The following LSAMP variants were observed in gnomAD, a reference collection of about 807,000 sequenced individuals.
The protein encoded by LSAMP is limbic system-associated membrane protein.
In LSAMP, 7 loss-of-function variants were observed where a neutral mutation model predicts 38.6. The observed-to-expected ratio is 0.18, with a 90% CI of 0.10 to 0.34. The LOEUF (loss-of-function observed/expected upper bound fraction) is 0.34, where lower values mean the gene tolerates loss of function less well. Ranked by LOEUF, LSAMP falls within the 10% of genes least tolerant of loss-of-function variation. The pLI, the probability that LSAMP is intolerant of heterozygous loss-of-function variation, is 1.00. For synonymous variants in LSAMP, 154 were observed against 166.8 expected, an observed-to-expected ratio of 0.92 and a Z score of 0.59; for missense variants, 313 against 420.0, an observed-to-expected ratio of 0.75 and a Z score of 2.23.
At chr3:115,915,057 CG>C (rs1156961720) in intron 3 of LSAMP, among the ~76,000 whole-genome samples, 1 of 152,154 alleles carries the variant, frequency 6.6e-6, no homozygotes, top group East Asian at 1.9e-4. Flanking sequence ...CATCTTGCTG[CG>C]ATATAGAAAC....
At chr3:115,878,566 A>G (rs1936245740) in intron 3 of LSAMP, among the ~76,000 whole-genome samples, 1 of 138,116 alleles carries the variant, frequency 7.2e-6, no homozygotes, top group African/African-American at 2.7e-5. Flanking sequence ...GCTTCAAGCG[A>G]TTCTCTTGTC....
At chr3:116,244,005 C>T (rs552361489) in intron 1 of LSAMP, among the ~76,000 whole-genome samples, 15 of 152,274 alleles carry the variant, frequency 9.9e-5, no homozygotes, top group South Asian at 4.1e-4. Flanking sequence ...TTGTGCACTT[C>T]CTATAGTAGG....
chr3:116,430,306 T>A (rs2049263757), intron 1 of LSAMP, among the ~76,000 whole-genome samples: 1 of 152,130 alleles, frequency 6.6e-6, no homozygotes, highest in Non-Finnish European at 1.5e-5. Context: ...CCAAATGAAA[T>A]TCTTCATAAG....
chr3:115,916,785 T>G (rs775888623), intron 3 of LSAMP, among the ~76,000 whole-genome samples: 4 of 152,234 alleles, frequency 2.6e-5, no homozygotes, highest in Non-Finnish European at 4.4e-5. Context: ...TTTTGTCACT[T>G]GCCTAAGGTC....
intron 1 of LSAMP, among the ~76,000 whole-genome samples, chr3:116,202,264 T>C (rs2045998252): frequency 6.6e-6 from 1 of 151,826 alleles, no homozygotes; most frequent in African/African-American, 2.4e-5. Context: ...GCCTCCTGAG[T>C]AGTTGGGACT....
At chr3:116,044,070 C>T (rs746636360) in intron 2 of LSAMP, among the ~76,000 whole-genome samples, 3 of 152,188 alleles carry the variant, frequency 2.0e-5, no homozygotes, top group African/African-American at 4.8e-5. Flanking sequence ...CAACATTATC[C>T]CCTTTTTAAT....
At chr3:116,395,422 G>A (rs1485102720) in intron 1 of LSAMP, among the ~76,000 whole-genome samples, 1 of 152,170 alleles carries the variant, frequency 6.6e-6, no homozygotes, top group African/African-American at 2.4e-5. Flanking sequence ...GGATTTGATA[G>A]TGTTTGATAA....
At chr3:115,835,267 T>A (rs1050509477) in intron 6 of LSAMP, among the ~76,000 whole-genome samples, 1 of 152,168 alleles carries the variant, frequency 6.6e-6, no homozygotes, top group Non-Finnish European at 1.5e-5. Flanking sequence ...ATTTGCTTGG[T>A]GATACATCCT....
chr3:116,407,064 T>A lies in LSAMP; in HGVS notation c.155+37813A>T, dbSNP rs150148120. On this transcript the variant is annotated intron_variant, in intron 1 of 6. Coordinates refer to ENST00000490035, the MANE Select transcript of LSAMP (RefSeq NM_002338.5). ...TCTGCCTTCACTAATTGAATTTTTT[T>A]AATTTAAATTTCAAGTTCTTTAAGA... is the stretch of plus-strand genomic sequence containing the variant. Among the ~76,000 whole-genome samples the A allele has an allele frequency of 2.4e-3, 366 of 152,184 alleles. 1 individual carries two copies. The highest frequency in any genetic ancestry group is 8.2e-3 in the African/African-American group (340 of 41,558).
intron 2 of LSAMP, among the ~76,000 whole-genome samples, chr3:116,067,449 G>A (rs932753513): frequency 1.3e-5 from 2 of 152,172 alleles, no homozygotes; most frequent in South Asian, 4.1e-4. Context: ...GTGAAATGTG[G>A]ACCTCATACA....
intron 1 of LSAMP, among the ~76,000 whole-genome samples, chr3:116,141,653 C>T (rs1350876295): frequency 6.6e-6 from 1 of 151,712 alleles, no homozygotes. Context: ...TGTGGGTCAG[C>T]CTAGTGTACA....
chr3:116,328,585 C>T lies in LSAMP; in HGVS notation c.155+116292G>A, dbSNP rs192605958. On this transcript the variant is annotated intron_variant, in intron 1 of 6. Coordinates refer to ENST00000490035, the MANE Select transcript of LSAMP (RefSeq NM_002338.5). ...GAACCATTTGTTAACATTTAATATG[C>T]GGAACTAGGGGGAATCAGTCATAAT... Among the ~76,000 whole-genome samples the T allele has an allele frequency of 4.6e-5, 7 of 152,060 alleles. No homozygotes were observed. In the South Asian group the frequency reaches 1.0e-3, roughly 23 times the overall value.
In LSAMP at chr3:116,444,392, A is replaced by ACACACACACACACACAC. The variant is rs141638402; in HGVS notation, c.155+484_155+485insGTGTGTGTGTGTGTGTG. Among the ~76,000 whole-genome samples, 247 of 144,320 alleles carry ACACACACACACACACAC rather than the reference A, an allele frequency of 1.7e-3. 1 individual carries two copies. Among genetic ancestry groups the ACACACACACACACACAC allele is most frequent in the East Asian group, 2.6e-3 (12 of 4,632 alleles). The allele number at this position is 144,320 out of a possible 152,430, so 94.7% of individuals were successfully genotyped here. ...TGTGTGTGTGTGTGTTGGCATGAAA[A>ACACACACACACACACAC]ACACACACACACACACACAGACACG... On this transcript the variant is annotated intron_variant, in intron 1 of 6. Transcript: ENST00000490035.
intron 1 of LSAMP, among the ~76,000 whole-genome samples, chr3:116,273,614 C>T (rs951653804): frequency 2.1e-4 from 30 of 144,110 alleles, no homozygotes; most frequent in Admixed American, 1.1e-3. Flanking sequence ...ACGTAACCCA[C>T]GGTAGGAAGA....
At position 116,284,853 on chromosome 3, in the gene LSAMP, C is replaced by T. The variant is rs371792313; in HGVS notation, c.155+160024G>A. ...AAAATGATCAAGTCCACAAGTTCAT[C>T]CAGAATACCAAAGCATCTAGTTGTC... On this transcript the variant is annotated intron_variant, in intron 1 of 6. Coordinates refer to ENST00000490035, the MANE Select transcript of LSAMP (RefSeq NM_002338.5). Among the ~76,000 whole-genome samples, 3 of 152,052 alleles carry T rather than the reference C, an allele frequency of 2.0e-5. No homozygotes were observed. In the East Asian group the frequency reaches 5.8e-4, roughly 29 times the overall value.
At chr3:115,996,775 C>T (rs1354352832) in intron 3 of LSAMP, among the ~76,000 whole-genome samples, 1 of 152,030 alleles carries the variant, frequency 6.6e-6, no homozygotes, top group Non-Finnish European at 1.5e-5. Flanking sequence ...GTCATTTCCT[C>T]CCCTCCTCTC....
At chr3:116,032,666 G>A (rs954489785) in intron 2 of LSAMP, among the ~76,000 whole-genome samples, 3 of 152,028 alleles carry the variant, frequency 2.0e-5, no homozygotes, top group African/African-American at 7.2e-5. Context: ...AGCTGGACAT[G>A]GTGGCACACA....
chr3:115,844,458 ATAGATCAT>A (rs1935093558), intron 4 of LSAMP, among the ~76,000 whole-genome samples: 2 of 152,150 alleles, frequency 1.3e-5, no homozygotes, highest in South Asian at 4.1e-4. Context: ...AATTGGTTAT[ATAGATCAT>A]TAGAGCACAT....
chr3:116,252,182 G>A (rs1870707), intron 1 of LSAMP, among the ~76,000 whole-genome samples: 117,196 of 152,096 alleles, frequency 0.77, 45,749 homozygotes, highest in Non-Finnish European at 0.84. Context: ...CCACATGTGT[G>A]CCAATGTGCA....
Sources: gnomAD v4.1 joint callset for allele counts (sites outside exome capture counted in the v4.1 genomes callset) on GRCh38, gnomAD v4.1.1 for gene constraint, MANE v1.5 for transcripts, NCBI Gene and HGNC (gene_info 2026-07-23, HGNC 2026-07-21) for gene names.